G3BP2: variants seen among roughly 807,000 people sequenced by gnomAD.
G3BP2 encodes the protein G3BP stress granule assembly factor 2.
In G3BP2, 11 loss-of-function variants were observed where a neutral mutation model predicts 56.7. The ratio of observed to expected loss-of-function variants is 0.19; its 90% CI spans 0.12 to 0.32. G3BP2 has a LOEUF of 0.32. G3BP2 is among the 10% of genes least tolerant of loss of function. The probability of loss-of-function intolerance (pLI) is 1.00; values close to 1 mark genes in which losing one functional copy is unlikely to be tolerated. For synonymous variants in G3BP2, 165 were observed against 191.6 expected, an observed-to-expected ratio of 0.86 and a Z score of 1.15; for missense variants, 340 against 610.9, an observed-to-expected ratio of 0.56 and a Z score of 4.67.
upstream of G3BP2, among the ~76,000 whole-genome samples, chr4:75,678,296 T>G (rs1188887759): frequency 3.5e-5 from 5 of 144,472 alleles, no homozygotes; most frequent in Non-Finnish European, 7.6e-5. Flanking sequence ...CGTGCCTAGC[T>G]TGTGTGTGTG....
chr4:75,658,711 G>A (rs1471658978), intron 3 of G3BP2, 132 bp downstream of exon 3: 3 of 670,208 alleles, frequency 4.5e-6, no homozygotes, highest in South Asian at 3.5e-5. Context: ...TGGGCAACAA[G>A]AGCAAAACTC....
intron 3 of G3BP2, among the ~76,000 whole-genome samples, chr4:75,678,854 T>C (rs898725932): frequency 6.6e-6 from 1 of 152,204 alleles, no homozygotes; most frequent in Non-Finnish European, 1.5e-5. Context: ...ATGTAAAACA[T>C]TTTAACAGTG....
intron 6 of G3BP2, 33 bp downstream of exon 6, chr4:75,655,735 G>A (rs763169641): frequency 8.7e-7 from 1 of 1,152,076 alleles, no homozygotes; most frequent in Non-Finnish European, 1.3e-6. Flanking sequence ...ACATAGTTCA[G>A]ACCAAATTTA....
upstream of G3BP2, chr4:75,673,634 G>C: frequency 8.1e-7 from 1 of 1,230,184 alleles, no homozygotes; most frequent in Non-Finnish European, 1.0e-6. Flanking sequence ...ATAAGAGTCC[G>C]CTGATTTGAC....
rs1312444105 is a variant in G3BP2 at position 75,660,724 on chromosome 4, C to T, written c.95+1207G>A. Among the ~76,000 whole-genome samples the T allele has an allele frequency of 2.0e-5, 3 of 152,272 alleles. No individual in the cohort carries two copies. In the East Asian group the frequency reaches 5.8e-4, roughly 29 times the overall value. On this transcript the variant is annotated intron_variant, in intron 2 of 11. Transcript: ENST00000359707. ...GATAAAGGAATTTAAGTCTTTTAAACAGCCTTTCTCACAGTAAGTGGCAAT... is the reference window on the plus strand; with the variant it reads ...GATAAAGGAATTTAAGTCTTTTAAATAGCCTTTCTCACAGTAAGTGGCAAT...
chr4:75,650,682 A>T (rs888337776), intron 8 of G3BP2, among the ~76,000 whole-genome samples: 2 of 152,082 alleles, frequency 1.3e-5, no homozygotes, highest in Non-Finnish European at 2.9e-5. Context: ...ATTTATATGT[A>T]TTTACTCCTA....
At chr4:75,681,857 A>AG (rs1190820062) in intron 3 of G3BP2, among the ~76,000 whole-genome samples, 2 of 151,808 alleles carry the variant, frequency 1.3e-5, no homozygotes, top group African/African-American at 2.4e-5. Context: ...TCAAAAAAAA[A>AG]AAAAAAGAAA....
intron 3 of G3BP2, among the ~76,000 whole-genome samples, chr4:75,691,316 G>A (rs1252164021): frequency 6.6e-6 from 1 of 152,130 alleles, no homozygotes; most frequent in Admixed American, 6.6e-5. Context: ...CTGACCTCAG[G>A]TGATCTGCCC....
In G3BP2 at chr4:75,643,837, A is replaced by G. The variant is rs780605207; in HGVS notation, c.*1593T>C. Reference sequence around the variant, plus strand: ...CCTGAAACATCAGAAACTGGTATGTACTGACTGCTCCAAGCATAAAATTGG... The same window carrying G: ...CCTGAAACATCAGAAACTGGTATGTGCTGACTGCTCCAAGCATAAAATTGG... On this transcript the variant is annotated 3_prime_UTR_variant, in exon 12 of 12. Transcript: ENST00000359707. The G allele has an allele frequency of 6.6e-6, 1 of 152,662 alleles. No homozygotes were observed. The highest frequency in any genetic ancestry group is 1.5e-5 in the Non-Finnish European group (1 of 68,048). The allele number at this position is 152,662 out of a possible 1,614,324, so 9.5% of individuals were successfully genotyped here. A position where few individuals can be genotyped will look rare whatever the true frequency, so the allele number is the denominator to read the frequency against.
At chr4:75,651,505 A>G (rs926174819) in intron 8 of G3BP2, among the ~76,000 whole-genome samples, 5 of 152,234 alleles carry the variant, frequency 3.3e-5, no homozygotes, top group Non-Finnish European at 7.3e-5. Flanking sequence ...CTTTAAGTAG[A>G]TATCTGATGA....
intron 2 of G3BP2, among the ~76,000 whole-genome samples, chr4:75,659,444 A>G (rs1260767940): frequency 6.6e-6 from 1 of 152,182 alleles, no homozygotes; most frequent in Non-Finnish European, 1.5e-5. Context: ...TAAAATCCAA[A>G]ATTACGCCAG....
At chr4:75,673,564 C>T (rs934901423), upstream of G3BP2, 65 of 1,231,976 alleles carry the variant, frequency 5.3e-5, no homozygotes, top group Admixed American at 4.2e-5. Context: ...CAGTACGCTG[C>T]CGCGCTCGCA....
At chr4:75,687,001 G>C (rs956135214) in intron 3 of G3BP2, among the ~76,000 whole-genome samples, 2 of 152,284 alleles carry the variant, frequency 1.3e-5, no homozygotes, top group Non-Finnish European at 2.9e-5. Context: ...ACTGAGGCAG[G>C]AGGATTGCTT....
chr4:75,648,440 A>G (rs184983983), intron 9 of G3BP2, among the ~76,000 whole-genome samples, 199 bp downstream of exon 9: 21 of 152,270 alleles, frequency 1.4e-4, no homozygotes, highest in African/African-American at 4.6e-4. Context: ...ATATGTCACC[A>G]TGGCATGTCA....
At chr4:75,703,341 G>A (rs1719418928) in intron 3 of G3BP2, among the ~76,000 whole-genome samples, 1 of 152,132 alleles carries the variant, frequency 6.6e-6, no homozygotes. Context: ...ACACTGCGGA[G>A]GCAGCAGCCA....
At chr4:75,709,085 G>A (rs943361335) in intron 3 of G3BP2, among the ~76,000 whole-genome samples, 1 of 151,782 alleles carries the variant, frequency 6.6e-6, no homozygotes, top group Non-Finnish European at 1.5e-5. Flanking sequence ...CTCCAGCCTG[G>A]GCAACAGAGA....
chr4:75,656,897 A>G (rs746298447), intron 5 of G3BP2, 27 bp downstream of exon 5: 2 of 1,044,364 alleles, frequency 1.9e-6, no homozygotes, highest in Non-Finnish European at 3.0e-6. Context: ...GAACCCTTCT[A>G]TCTTCATATC....
intron 2 of G3BP2, chr4:75,661,478 GT>G (rs58695567): frequency 8.7e-4 from 122 of 139,464 alleles, no homozygotes; most frequent in East Asian, 3.9e-3. Context: ...CCCAAAGTTT[GT>G]TTTTTTTTTT....
chr4:75,712,071 A>G (rs890378297), intron 3 of G3BP2, among the ~76,000 whole-genome samples: 1 of 152,342 alleles, frequency 6.6e-6, no homozygotes, highest in African/African-American at 2.4e-5. Flanking sequence ...AGAAATGATA[A>G]CTGTTTGAGG....
Sources: gnomAD v4.1 joint callset for allele counts (sites outside exome capture counted in the v4.1 genomes callset) on GRCh38, gnomAD v4.1.1 for gene constraint, MANE v1.5 for transcripts, NCBI Gene and HGNC (gene_info 2026-07-23, HGNC 2026-07-21) for gene names.